Variants in CTNNA3 observed in about 807,000 individuals in gnomAD.
CTNNA3 encodes the protein catenin alpha-3.
A neutral mutation model predicts 95.7 loss-of-function variants in CTNNA3; 76 were observed. The observed-to-expected ratio is 0.79, with a 90% confidence interval of 0.66 to 0.96. The LOEUF (loss-of-function observed/expected upper bound fraction) is 0.96, where lower values mean the gene tolerates loss of function less well. CTNNA3 is among the 40% of genes least tolerant of loss of function. The pLI is 0.00. For synonymous variants in CTNNA3, 431 were observed against 374.4 expected (o/e 1.15, Z -1.74); for missense variants, 1,191 against 1,089.8 (o/e 1.09, Z -1.31).
intron 3 of CTNNA3, among the ~76,000 whole-genome samples, chr10:67,574,312 A>C (rs1842072314): frequency 6.6e-6 from 1 of 152,118 alleles, no homozygotes; most frequent in Non-Finnish European, 1.5e-5. Context: ...TACTCCCTAC[A>C]ATGAAATATG....
chr10:67,515,614 T>C (rs189849852), intron 5 of CTNNA3, among the ~76,000 whole-genome samples: 87 of 152,364 alleles, frequency 5.7e-4, no homozygotes, highest in Non-Finnish European at 9.7e-4. Flanking sequence ...AAAAAATCAT[T>C]TTATTTGATC....
At chr10:66,577,406 C>T in intron 10 of CTNNA3, among the ~76,000 whole-genome samples, 1 of 151,928 alleles carries the variant, frequency 6.6e-6, no homozygotes, top group African/African-American at 2.4e-5. Context: ...TTGCAAAGGC[C>T]CATGTCCAGA....
intron 13 of CTNNA3, among the ~76,000 whole-genome samples, chr10:66,130,615 C>T (rs576634875): frequency 6.6e-6 from 1 of 152,006 alleles, no homozygotes; most frequent in East Asian, 1.9e-4. Flanking sequence ...GAAGCTAAGG[C>T]AGGAGGATCG....
chr10:66,076,590 C>A (rs1379580224), intron 14 of CTNNA3, among the ~76,000 whole-genome samples: 2 of 151,648 alleles, frequency 1.3e-5, no homozygotes, highest in African/African-American at 4.8e-5. Context: ...AAAAACACCC[C>A]TCTTAACACC....
chr10:66,184,393 A>G (rs903421881), intron 13 of CTNNA3, among the ~76,000 whole-genome samples: 8 of 152,098 alleles, frequency 5.3e-5, no homozygotes, highest in African/African-American at 1.9e-4. Flanking sequence ...GTTTAGTAAA[A>G]CTTTCTCTGC....
Position 66,228,395 on chromosome 10 carries a change from T to C in CTNNA3, c.1884+52075A>G, listed in dbSNP as rs566833303. Among the ~76,000 whole-genome samples the C allele has an allele frequency of 2.0e-5, 3 of 152,230 alleles. No individual in the cohort carries two copies. In the East Asian group the frequency reaches 5.8e-4, roughly 29 times the overall value. ...TCATTTCTTTGAAGAAATTTCTTCA[T>C]GTTCTTCTTAATTTTTTATTAACTA... On this transcript the variant is annotated intron_variant, in intron 13 of 17. Coordinates refer to ENST00000433211, the MANE Select transcript of CTNNA3 (RefSeq NM_013266.4).
At chr10:66,229,866 C>A (rs923851689) in intron 13 of CTNNA3, among the ~76,000 whole-genome samples, 1 of 151,992 alleles carries the variant, frequency 6.6e-6, no homozygotes, top group Non-Finnish European at 1.5e-5. Flanking sequence ...TATGTATTTG[C>A]TTAATAATGT....
intron 7 of CTNNA3, among the ~76,000 whole-genome samples, chr10:66,848,016 AG>A (rs1843342182): frequency 6.6e-6 from 1 of 152,150 alleles, no homozygotes; most frequent in South Asian, 2.1e-4. Flanking sequence ...GGAGGAAACG[AG>A]AGTGATGTGT....
Position 65,935,559 on chromosome 10 carries a change from G to A in CTNNA3, c.2401-14942C>T, listed in dbSNP as rs571326370. 4.5e-4 allele frequency among the ~76,000 whole-genome samples: 68 copies of A among 152,244 alleles called. 1 individual carries two copies. Among genetic ancestry groups the A allele is most frequent in the African/African-American group, 1.6e-3 (65 of 41,554 alleles). On this transcript the variant is annotated intron_variant, in intron 17 of 17. Coordinates refer to ENST00000433211, the MANE Select transcript of CTNNA3 (RefSeq NM_013266.4). Reference sequence around the variant, plus strand: ...AAAATGTTCCAGTTAAGGAAAACCTGCTCTAGAAGTGATGCAGACAATGCA... The same window carrying A: ...AAAATGTTCCAGTTAAGGAAAACCTACTCTAGAAGTGATGCAGACAATGCA...
intron 13 of CTNNA3, among the ~76,000 whole-genome samples, chr10:66,187,337 C>T (rs1329794383): frequency 2.0e-5 from 3 of 149,790 alleles, no homozygotes; most frequent in East Asian, 3.9e-4. Context: ...AAGGCAACCA[C>T]AAAAAAGGAA....
chr10:66,364,346 C>T (rs1367946386), intron 12 of CTNNA3, among the ~76,000 whole-genome samples: 1 of 151,648 alleles, frequency 6.6e-6, no homozygotes, highest in African/African-American at 2.4e-5. Context: ...AGTTTGAGAC[C>T]AACTTCGGCA....
intron 14 of CTNNA3, among the ~76,000 whole-genome samples, chr10:66,078,425 C>T (rs1321560599): frequency 2.6e-5 from 4 of 151,874 alleles, no homozygotes; most frequent in Admixed American, 6.6e-5. Flanking sequence ...ATCATCGTCT[C>T]TTTCATAAAA....
chr10:67,521,770 A>G (rs547620762), intron 5 of CTNNA3, 72 bp downstream of exon 5: 13 of 1,554,544 alleles, frequency 8.4e-6, no homozygotes, highest in Non-Finnish European at 1.1e-5. Context: ...ACCCACCTGC[A>G]CCTCTGACAG....
At chr10:66,291,265 C>A (rs2132193334) in intron 12 of CTNNA3, among the ~76,000 whole-genome samples, 1 of 152,228 alleles carries the variant, frequency 6.6e-6, no homozygotes, top group East Asian at 1.9e-4. Flanking sequence ...ACAGTAAATT[C>A]ATTGCTCGGT....
intron 1 of CTNNA3, among the ~76,000 whole-genome samples, chr10:67,677,731 G>C (rs1432331165): frequency 2.0e-5 from 3 of 152,046 alleles, no homozygotes; most frequent in African/African-American, 7.2e-5. Flanking sequence ...GGATGAGAGG[G>C]GACAAGGAAA....
chr10:66,488,979 G>A (rs1839829476), intron 11 of CTNNA3, among the ~76,000 whole-genome samples: 2 of 152,138 alleles, frequency 1.3e-5, no homozygotes, highest in South Asian at 4.1e-4. Flanking sequence ...TGAGAAGTAA[G>A]TGAAGTTCCT....
intron 11 of CTNNA3, among the ~76,000 whole-genome samples, chr10:66,469,197 C>T (rs1171555367): frequency 2.0e-5 from 3 of 151,778 alleles, no homozygotes; most frequent in Non-Finnish European, 2.9e-5. Context: ...AGAAGGAAAA[C>T]ACTTAAATAG....
intron 5 of CTNNA3, among the ~76,000 whole-genome samples, chr10:67,367,667 G>A (rs1843266218): frequency 6.6e-6 from 1 of 152,124 alleles, no homozygotes; most frequent in African/African-American, 2.4e-5. Context: ...AATCAACCTA[G>A]GTGCCCGTCA....
chr10:67,265,369 A>G (rs1473611617), intron 5 of CTNNA3, among the ~76,000 whole-genome samples: 1 of 152,196 alleles, frequency 6.6e-6, no homozygotes, highest in Non-Finnish European at 1.5e-5. Context: ...AGAGCAATAG[A>G]CACATACAAA....
Sources: allele counts gnomAD v4.1 joint callset (sites outside exome capture counted in the v4.1 genomes callset), GRCh38; gene constraint gnomAD v4.1.1; transcripts MANE v1.5; gene names NCBI Gene and HGNC (gene_info 2026-07-23, HGNC 2026-07-21).